Variants in TASP1 observed in about 807,000 individuals in gnomAD.
The protein encoded by TASP1 is threonine aspartase 1.
A neutral mutation model predicts 56.6 loss-of-function variants in TASP1; 16 were observed. The observed-to-expected ratio is 0.28, with a 90% CI of 0.19 to 0.43. The LOEUF (loss-of-function observed/expected upper bound fraction) is 0.43, where lower values mean the gene tolerates loss of function less well. Ranked by LOEUF, TASP1 falls within the 20% of genes least tolerant of loss-of-function variation. The pLI is 1.00. For missense variants in TASP1, 393 were observed against 511.6 expected, an observed-to-expected ratio of 0.77 and a Z score of 2.24; for synonymous variants, 179 against 184.2, an observed-to-expected ratio of 0.97 and a Z score of 0.23.
the TASP1 span, among the ~76,000 whole-genome samples, chr20:13,274,639 G>A: frequency 2.6e-5 from 4 of 152,276 alleles, no homozygotes; most frequent in Admixed American, 1.3e-4. Context: ...GCCCATGCAA[G>A]AGTCCACGTC....
intron 9 of TASP1, among the ~76,000 whole-genome samples, chr20:13,532,279 T>C (rs903864346): frequency 2.0e-5 from 3 of 152,240 alleles, no homozygotes; most frequent in Admixed American, 2.0e-4. Context: ...TTTTAAGTAG[T>C]TAATTGTGCA....
intron 11 of TASP1, among the ~76,000 whole-genome samples, chr20:13,482,744 G>A (rs79632106): frequency 0.017 from 2,539 of 152,246 alleles, 42 homozygotes; most frequent in Non-Finnish European, 0.024. Context: ...TTAAGCCGAT[G>A]AATTTGGTTT....
chr20:13,241,269 A>T, the TASP1 span, among the ~76,000 whole-genome samples: 1 of 152,208 alleles, frequency 6.6e-6, no homozygotes, highest in Non-Finnish European at 1.5e-5. Flanking sequence ...ATGGAGACAG[A>T]ATATACAAAT....
At chr20:13,619,681 A>G (rs565530419) in intron 4 of TASP1, among the ~76,000 whole-genome samples, 1 of 152,196 alleles carries the variant, frequency 6.6e-6, no homozygotes, top group Admixed American at 6.5e-5. Context: ...AAGGCAGCCA[A>G]AAAAGCAACT....
intron 10 of TASP1, among the ~76,000 whole-genome samples, chr20:13,498,333 G>T (rs1202646797): frequency 3.1e-5 from 1 of 31,890 alleles, no homozygotes; most frequent in Non-Finnish European, 8.2e-5. Context: ...CTTTTCTTTT[G>T]TGTGTGTGTG....
the TASP1 span, among the ~76,000 whole-genome samples, chr20:13,332,176 T>C: frequency 6.6e-6 from 1 of 152,148 alleles, no homozygotes; most frequent in African/African-American, 2.4e-5. Flanking sequence ...TACTTCAAAA[T>C]TGTGTTAACA....
the TASP1 span, among the ~76,000 whole-genome samples, chr20:13,287,170 T>G: frequency 6.6e-6 from 1 of 152,166 alleles, no homozygotes; most frequent in African/African-American, 2.4e-5. Flanking sequence ...GACTGGGTAA[T>G]TTATAAAGGA....
At chr20:13,479,656 A>G (rs528906982) in intron 11 of TASP1, among the ~76,000 whole-genome samples, 160 of 152,082 alleles carry the variant, frequency 1.1e-3, no homozygotes, top group African/African-American at 3.7e-3. Flanking sequence ...CACCACGCCC[A>G]GCTAATATTT....
chr20:13,612,928 C>G (rs867931648), intron 4 of TASP1, among the ~76,000 whole-genome samples: 2 of 152,108 alleles, frequency 1.3e-5, no homozygotes, highest in Admixed American at 6.6e-5. Context: ...CCAGCACGCC[C>G]ATTCACCATT....
the TASP1 span, among the ~76,000 whole-genome samples, chr20:13,247,517 G>GGTGTGTGTGTGTGTCT: frequency 1.3e-3 from 183 of 139,908 alleles, no homozygotes; most frequent in Non-Finnish European, 1.9e-3. Context: ...CAAAGTGAGG[G>GGTGTGTGTGTGTGTCT]GTGTGTGTGT....
At chr20:13,273,855 A>G in the TASP1 span, among the ~76,000 whole-genome samples, 3 of 152,146 alleles carry the variant, frequency 2.0e-5, no homozygotes, top group Non-Finnish European at 2.9e-5. Context: ...ATTTTCTGTG[A>G]GCAATACAGA....
intron 2 of TASP1, among the ~76,000 whole-genome samples, chr20:13,627,786 T>G (rs574606237): frequency 6.7e-5 from 10 of 148,162 alleles, no homozygotes; most frequent in African/African-American, 2.6e-4. Flanking sequence ...TTGAAAGGAA[T>G]GTGGCTATGC....
At chr20:13,598,140 T>A (rs1288575772) in intron 4 of TASP1, among the ~76,000 whole-genome samples, 1 of 152,152 alleles carries the variant, frequency 6.6e-6, no homozygotes, top group African/African-American at 2.4e-5. Context: ...GCCATCCCCA[T>A]CAAGCTACCA....
At chr20:13,375,078 G>T in the TASP1 span, among the ~76,000 whole-genome samples, 25 of 152,078 alleles carry the variant, frequency 1.6e-4, no homozygotes, top group Non-Finnish European at 2.2e-4. Flanking sequence ...TAGGTGTGTT[G>T]TGTTTTGTTT....
the TASP1 span, among the ~76,000 whole-genome samples, chr20:13,229,429 A>G: frequency 2.0e-5 from 3 of 152,020 alleles, no homozygotes; most frequent in Non-Finnish European, 4.4e-5. Flanking sequence ...TACTTTTTGC[A>G]TTTTTCCATG....
chr20:13,125,767 A>T, the TASP1 span, among the ~76,000 whole-genome samples: 3 of 152,216 alleles, frequency 2.0e-5, no homozygotes, highest in Non-Finnish European at 4.4e-5. Context: ...AAAGCACTCA[A>T]GGCATTTTGA....
intron 13 of TASP1, among the ~76,000 whole-genome samples, chr20:13,410,444 C>T (rs912751591): frequency 6.6e-6 from 1 of 152,144 alleles, no homozygotes; most frequent in Non-Finnish European, 1.5e-5. Flanking sequence ...TACATTTCTA[C>T]CAACAGTGTA....
the TASP1 span, chr20:13,165,126 G>C: frequency 2.8e-6 from 1 of 353,194 alleles, no homozygotes; most frequent in African/African-American, 2.1e-5. Flanking sequence ...ACACACTTCT[G>C]AGAATATTTT....
At chr20:13,603,869 A>G (rs2048050524) in intron 4 of TASP1, among the ~76,000 whole-genome samples, 1 of 152,148 alleles carries the variant, frequency 6.6e-6, no homozygotes. Context: ...TTTAATAAGA[A>G]TCTTGCTAAA....
Sources: allele counts gnomAD v4.1 joint callset (sites outside exome capture counted in the v4.1 genomes callset), GRCh38; gene constraint gnomAD v4.1.1; transcripts MANE v1.5; gene names NCBI Gene and HGNC (gene_info 2026-07-23, HGNC 2026-07-21).